The following CXCL17 variants were observed in gnomAD, a reference collection of about 807,000 sequenced individuals.
The protein encoded by CXCL17 is C-X-C motif chemokine 17.
A neutral mutation model predicts 15.5 loss-of-function variants in CXCL17; 9 were observed. That is an observed-to-expected ratio of 0.58 (90% CI 0.35 to 1.01). The LOEUF (loss-of-function observed/expected upper bound fraction) is 1.01, where lower values mean the gene tolerates loss of function less well. CXCL17 is among the 50% of genes least tolerant of loss of function. CXCL17 has a pLI of 0.02. For synonymous variants in CXCL17, 52 were observed against 52.3 expected (o/e 0.99, Z 0.02); for missense variants, 133 against 138.2 (o/e 0.96, Z 0.19).
At position 42,430,413 on chromosome 19, in the gene CXCL17, T is replaced by A. The variant is rs149863442; in HGVS notation, c.263-1432A>T. 3.6e-3 allele frequency among the ~76,000 whole-genome samples: 546 copies of A among 152,046 alleles called. 1 individual carries two copies. Among genetic ancestry groups the A allele is most frequent in the Non-Finnish European group, 6.2e-3 (419 of 67,952 alleles). ...GGGTTCGAGACCAGCCTGACCAACA[T>A]GGAGAAATCCATCTCTACTAAAAAT... On this transcript the variant is annotated intron_variant, in intron 3 of 3. Coordinates refer to ENST00000601181, the MANE Select transcript of CXCL17 (RefSeq NM_198477.3).
chr19:42,442,229 CTTTTTTTTTTT>C (rs10527944), intron 1 of CXCL17, among the ~76,000 whole-genome samples: 10,336 of 122,172 alleles, frequency 0.085, 1,265 homozygotes, highest in African/African-American at 0.29. Context: ...CTTTTCTTTC[CTTTTTTTTTTT>C]TTTTTTTTTT....
At chr19:42,434,113 C>T (rs1379199210) in intron 1 of CXCL17, among the ~76,000 whole-genome samples, 2 of 152,096 alleles carry the variant, frequency 1.3e-5, no homozygotes, top group Non-Finnish European at 1.5e-5. Context: ...GGATTATAGG[C>T]GTGAGCCACT....
chr19:42,437,787 T>G (rs1471255189), intron 1 of CXCL17, among the ~76,000 whole-genome samples: 1 of 152,212 alleles, frequency 6.6e-6, no homozygotes, highest in Non-Finnish European at 1.5e-5. Context: ...GCATCTGTCA[T>G]TATTTTCACT....
At chr19:42,440,065 A>G (rs897047025) in intron 1 of CXCL17, among the ~76,000 whole-genome samples, 25 of 152,334 alleles carry the variant, frequency 1.6e-4, no homozygotes, top group African/African-American at 6.0e-4. Flanking sequence ...AATATTTTTC[A>G]AAGTCTGAAA....
intron 2 of CXCL17, among the ~76,000 whole-genome samples, chr19:42,433,397 C>G (rs2040802745): frequency 6.6e-6 from 1 of 152,156 alleles, no homozygotes; most frequent in South Asian, 2.1e-4. Flanking sequence ...GCTACTTTCC[C>G]TTGGGGAAGC....
chr19:42,441,065 A>G (rs1000252135), intron 1 of CXCL17, among the ~76,000 whole-genome samples: 1 of 152,228 alleles, frequency 6.6e-6, no homozygotes, highest in Admixed American at 6.5e-5. Flanking sequence ...GGTTTGATTT[A>G]GCAACCTGAG....
intron 1 of CXCL17, among the ~76,000 whole-genome samples, chr19:42,440,568 C>CTTA (rs2040881944): frequency 6.6e-6 from 1 of 152,220 alleles, no homozygotes; most frequent in Admixed American, 6.5e-5. Flanking sequence ...TTAGGAGCGA[C>CTTA]TTAGAAACTA....
intron 1 of CXCL17, among the ~76,000 whole-genome samples, chr19:42,439,253 C>CAAAAAAAAAAAA (rs58768697): frequency 2.4e-3 from 183 of 76,902 alleles, no homozygotes; most frequent in Middle Eastern, 6.8e-3. Flanking sequence ...GACTCTATCT[C>CAAAAAAAAAAAA]AAAAAAAAAA....
chr19:42,442,731 C>T, intron 1 of CXCL17, 23 bp downstream of exon 1: 1 of 1,578,634 alleles, frequency 6.3e-7, no homozygotes. Flanking sequence ...CCCGTTTTCC[C>T]CTTCATAGAC....
chr19:42,442,755 T>A lies in CXCL17; in HGVS notation c.78A>T (p.Pro26=), dbSNP rs2040907494. The A allele has an allele frequency of 5.0e-6, 8 of 1,609,978 alleles. No homozygotes were observed. The highest frequency in any genetic ancestry group is 6.8e-6 in the Non-Finnish European group (8 of 1,177,332). Residue 26 remains proline, a splice_region_variant and synonymous_variant, in exon 1 of 4, where the codon CCA becomes CCT. Transcript: ENST00000601181. ...CCCTTCATAGACAGTCTTGTTTACC[T>A]GGATTCAGGCTGCTAGAGACCATGG... ...LMSMVSSSLN[P]GVARGHRDRG...
chr19:42,432,535 G>A (rs1219782843), intron 3 of CXCL17, among the ~76,000 whole-genome samples: 1 of 152,166 alleles, frequency 6.6e-6, no homozygotes, highest in African/African-American at 2.4e-5. Flanking sequence ...TTGGGAGGCT[G>A]TGGTGGAAGG....
Position 42,436,199 on chromosome 19 carries a change from C to T in CXCL17, c.80-2343G>A, listed in dbSNP as rs182950080. On this transcript the variant is annotated intron_variant, in intron 1 of 3. Transcript: ENST00000601181. The stretch of plus-strand genomic sequence containing the variant: ...GATGGATAAGTTGTTTGGAGAGGAC[C>T]CTTAGAGATCATATGGTTCAATTCA... Among the ~76,000 whole-genome samples the T allele has an allele frequency of 7.2e-4, 110 of 152,226 alleles. No homozygotes were observed. The South Asian group carries it at 0.011, about 16-fold the overall frequency.
chr19:42,437,914 G>A (rs1338644662), intron 1 of CXCL17, among the ~76,000 whole-genome samples: 1 of 151,708 alleles, frequency 6.6e-6, no homozygotes, highest in African/African-American at 2.4e-5. Context: ...TATCCACAGG[G>A]GATGCATTCC....
At chr19:42,432,939 A>G (rs1262959931) in intron 3 of CXCL17, 37 bp downstream of exon 3, 1 of 1,484,128 alleles carries the variant, frequency 6.7e-7, no homozygotes, top group Non-Finnish European at 9.4e-7. Context: ...TCACGGAGTG[A>G]CTCTGGTATA....
chr19:42,435,596 G>C (rs942684886), intron 1 of CXCL17, among the ~76,000 whole-genome samples: 1 of 152,130 alleles, frequency 6.6e-6, no homozygotes, highest in South Asian at 2.1e-4. Context: ...AATTTGGGAG[G>C]CCGAGGTGGG....
rs1306378130 is a variant in CXCL17, at chr19:42,433,015, A to G, written c.223T>C (p.Cys75Arg). The change falls in exon 3 of 4, where the codon TGC (cysteine) becomes CGC (arginine). Residue 75 changes from cysteine to arginine, a missense_variant. Cys to Arg is a radical substitution (Grantham distance 180, BLOSUM62 -3). Coordinates refer to ENST00000601181, the MANE Select transcript of CXCL17 (RefSeq NM_198477.3). The stretch of plus-strand genomic sequence containing the variant: ...TTGCCCTTGAAATGATCACAGGGGC[A>G]CTGCTTCTTTGGCAGCCCAGACACT... ...MTVSGLPKKQ[C>R]PCDHFKGNVK... is the part of the protein sequence containing the mutation. 2 of 1,614,084 alleles carry G rather than the reference A, an allele frequency of 1.2e-6. No individual in the cohort carries two copies. The highest frequency in any genetic ancestry group is 2.2e-5 in the East Asian group (1 of 44,886).
intron 3 of CXCL17, among the ~76,000 whole-genome samples, chr19:42,431,563 C>T (rs1240151181): frequency 6.6e-6 from 1 of 151,904 alleles, no homozygotes; most frequent in Non-Finnish European, 1.5e-5. Context: ...GATCTGTAAT[C>T]CACCTGAAAC....
intron 1 of CXCL17, among the ~76,000 whole-genome samples, chr19:42,440,081 AAAGT>A (rs1237971079): frequency 2.0e-5 from 3 of 152,200 alleles, no homozygotes; most frequent in African/African-American, 4.8e-5. Flanking sequence ...TGAAAAATGA[AAAGT>A]AAGAAAAAGT....
intron 1 of CXCL17, among the ~76,000 whole-genome samples, chr19:42,439,369 C>T (rs539249094): frequency 4.6e-5 from 7 of 150,550 alleles, no homozygotes; most frequent in African/African-American, 1.7e-4. Context: ...ATTTGGCCAA[C>T]ACCACAGTAA....
Sources: allele counts gnomAD v4.1 joint callset (sites outside exome capture counted in the v4.1 genomes callset), GRCh38; gene constraint gnomAD v4.1.1; transcripts MANE v1.5; gene names NCBI Gene and HGNC (gene_info 2026-07-23, HGNC 2026-07-21).